CPQ: variants seen among roughly 807,000 people sequenced by gnomAD.
The protein encoded by CPQ is carboxypeptidase Q.
A neutral mutation model predicts 45.7 loss-of-function variants in CPQ; 37 were observed. The observed-to-expected ratio is 0.81, with a 90% CI of 0.62 to 1.07. The LOEUF is 1.07. Among genes scored for constraint, CPQ ranks in the 50% least tolerant of loss-of-function variants. CPQ has a pLI of 0.00. For missense variants in CPQ, 537 were observed against 572.9 expected (o/e 0.94, Z 0.64); for synonymous variants, 186 against 205.8 (o/e 0.90, Z 0.82).
intron 7 of CPQ, among the ~76,000 whole-genome samples, chr8:97,134,537 C>T (rs1812016615): frequency 6.6e-6 from 1 of 152,178 alleles, no homozygotes; most frequent in African/African-American, 2.4e-5. Context: ...TAATTCAAGT[C>T]TTTACTCTAT....
intron 4 of CPQ, among the ~76,000 whole-genome samples, chr8:96,960,754 ATTAT>A (rs568893433): frequency 3.3e-3 from 505 of 152,270 alleles, no homozygotes; most frequent in African/African-American, 0.012. Context: ...TGAAGATTAT[ATTAT>A]TTAGTTTAGT....
At chr8:97,111,931 A>G (rs113721971) in intron 7 of CPQ, among the ~76,000 whole-genome samples, 1 of 152,234 alleles carries the variant, frequency 6.6e-6, no homozygotes, top group African/African-American at 2.4e-5. Flanking sequence ...ACAGCCTGAA[A>G]AGCAGAGTCT....
chr8:96,836,465 A>G (rs1449666733), intron 3 of CPQ, among the ~76,000 whole-genome samples: 3 of 152,184 alleles, frequency 2.0e-5, no homozygotes, highest in Non-Finnish European at 4.4e-5. Flanking sequence ...GCTAAAAATA[A>G]TGTTCTTTGC....
At position 97,029,485 on chromosome 8, in the gene CPQ, G is replaced by A. The variant is rs777757428; in HGVS notation, c.1044G>A (p.Gln348=). 7.0e-5 allele frequency: 112 copies of A among 1,602,944 alleles called. No homozygotes were observed. The highest frequency in any genetic ancestry group is 8.2e-5 in the Non-Finnish European group (96 of 1,173,940). ...QGGVGAFQYY[Q]LHKVNISNYS... ...GAGTTGGTGCCTTCCAGTATTATCA[G>A]TTACACAAGGTAAAAACCCAGCTGT... The change falls in exon 6 of 8, where the codon CAG becomes CAA. Residue 348 remains glutamine (Q), a synonymous_variant. Transcript: ENST00000220763.
chr8:96,762,078 T>C (rs1390052388), intron 1 of CPQ, among the ~76,000 whole-genome samples: 1 of 152,208 alleles, frequency 6.6e-6, no homozygotes, highest in Non-Finnish European at 1.5e-5. Flanking sequence ...CACGTGCTGC[T>C]GTGGCTTTAT....
At chr8:96,662,962 G>C (rs78480937) in intron 1 of CPQ, among the ~76,000 whole-genome samples, 10 of 152,318 alleles carry the variant, frequency 6.6e-5, no homozygotes, top group Non-Finnish European at 1.0e-4. Context: ...ACTCCAGCCT[G>C]AGCTACAGAG....
At chr8:96,718,081 C>G (rs1242522015) in intron 1 of CPQ, among the ~76,000 whole-genome samples, 1 of 152,192 alleles carries the variant, frequency 6.6e-6, no homozygotes, top group Non-Finnish European at 1.5e-5. Flanking sequence ...CAGGCCATGC[C>G]CCTCCCAGCC....
chr8:97,133,061 G>GT (rs1308455282), intron 7 of CPQ: 2 of 152,206 alleles, frequency 1.3e-5, no homozygotes, highest in Non-Finnish European at 2.9e-5. Context: ...CTAGAGTCAT[G>GT]TGGAAGGTGT....
chr8:96,716,736 C>T (rs146096205), intron 1 of CPQ, among the ~76,000 whole-genome samples: 7,564 of 151,898 alleles, frequency 0.05, 251 homozygotes, highest in Middle Eastern at 0.11. Context: ...GGTGAAACCC[C>T]GTCTCTACTA....
intron 7 of CPQ, among the ~76,000 whole-genome samples, chr8:97,110,278 C>T (rs568354345): frequency 3.9e-5 from 6 of 152,306 alleles, no homozygotes; most frequent in Middle Eastern, 3.4e-3. Context: ...GATTCATCCA[C>T]GCTGTTGCAT....
rs138205740 is a variant in CPQ at position 97,009,880 on chromosome 8, T to G, written c.962-19523T>G. ...ATTTGTACATTTTCTGTGATTTCTA[T>G]AAGTAACAGGCTGACAGTGTTGGAT... On this transcript the variant is annotated intron_variant, in intron 5 of 7. Coordinates refer to ENST00000220763, the MANE Select transcript of CPQ (RefSeq NM_016134.4). Among the ~76,000 whole-genome samples, 290 of 152,338 alleles carry G rather than the reference T, an allele frequency of 1.9e-3. 1 individual carries two copies. Among genetic ancestry groups the G allele is most frequent in the Middle Eastern group, 0.01 (3 of 294 alleles).
intron 6 of CPQ, among the ~76,000 whole-genome samples, chr8:97,035,702 A>T (rs9297268): frequency 8.4e-5 from 1 of 11,858 alleles, no homozygotes; most frequent in Non-Finnish European, 1.9e-4. Context: ...GTTTGTTTGT[A>T]TTGTTTTGTT....
intron 1 of CPQ, among the ~76,000 whole-genome samples, chr8:96,733,828 A>G (rs959943844): frequency 4.6e-5 from 7 of 152,206 alleles, no homozygotes; most frequent in Admixed American, 1.3e-4. Flanking sequence ...GAAGTGCTCA[A>G]TAGCTGAGTG....
intron 1 of CPQ, among the ~76,000 whole-genome samples, chr8:96,720,682 C>T (rs1057274200): frequency 6.6e-6 from 1 of 151,974 alleles, no homozygotes; most frequent in African/African-American, 2.4e-5. Context: ...ATTTTTAAGA[C>T]ATTTTTTTCC....
chr8:97,059,343 T>C (rs1253956318), intron 6 of CPQ, among the ~76,000 whole-genome samples: 1 of 152,072 alleles, frequency 6.6e-6, no homozygotes, highest in Non-Finnish European at 1.5e-5. Context: ...CCTGCATGTG[T>C]TAGGTTTCCC....
chr8:96,930,559 C>T (rs1812959910), intron 4 of CPQ, among the ~76,000 whole-genome samples: 1 of 151,938 alleles, frequency 6.6e-6, no homozygotes, highest in Non-Finnish European at 1.5e-5. Context: ...AGTTTTAAAC[C>T]ACGTATTTTA....
intron 7 of CPQ, among the ~76,000 whole-genome samples, chr8:97,130,966 G>A (rs1400013615): frequency 6.6e-6 from 1 of 152,084 alleles, no homozygotes; most frequent in Non-Finnish European, 1.5e-5. Flanking sequence ...GCTGCCAAAT[G>A]GGACGCTGCC....
At chr8:96,909,361 G>A (rs1812625115) in intron 4 of CPQ, among the ~76,000 whole-genome samples, 1 of 152,032 alleles carries the variant, frequency 6.6e-6, no homozygotes, top group South Asian at 2.1e-4. Flanking sequence ...AGTAACGGTG[G>A]AAATAAAATG....
At chr8:96,982,010 A>G (rs979694420) in intron 5 of CPQ, among the ~76,000 whole-genome samples, 1 of 152,188 alleles carries the variant, frequency 6.6e-6, no homozygotes, top group African/African-American at 2.4e-5. Context: ...ACACATGTCT[A>G]TTAGAGTTGC....
Sources: gnomAD v4.1 joint callset for allele counts (sites outside exome capture counted in the v4.1 genomes callset) on GRCh38, gnomAD v4.1.1 for gene constraint, MANE v1.5 for transcripts, NCBI Gene and HGNC (gene_info 2026-07-23, HGNC 2026-07-21) for gene names.